GFPT1: variants seen among roughly 807,000 people sequenced by gnomAD.
GFPT1 encodes the protein glutamine--fructose-6-phosphate aminotransferase [isomerizing] 1.
GFPT1 carries 40 observed loss-of-function variants against 92.0 expected under a neutral mutation model. That is an observed-to-expected ratio of 0.43 (90% CI 0.34 to 0.57). The LOEUF (loss-of-function observed/expected upper bound fraction) is 0.57. GFPT1 is among the 20% of genes least tolerant of loss of function. GFPT1 has a pLI of 0.02. For synonymous variants in GFPT1, 269 were observed against 280.6 expected, an observed-to-expected ratio of 0.96 and a Z score of 0.41; for missense variants, 448 against 869.1, an observed-to-expected ratio of 0.52 and a Z score of 6.09.
At chr2:69,359,357 A>G in intron 4 of GFPT1, 31 bp from the exon 5 acceptor site, 1 of 1,278,796 alleles carries the variant, frequency 7.8e-7, no homozygotes, top group Non-Finnish European at 1.1e-6. Flanking sequence ...GAAGACAAAA[A>G]AGTTAGAAGT....
At chr2:69,359,562 T>G (rs928710824) in intron 4 of GFPT1, among the ~76,000 whole-genome samples, 1 of 152,114 alleles carries the variant, frequency 6.6e-6, no homozygotes, top group African/African-American at 2.4e-5. Context: ...GTGGGTACAG[T>G]AGGGAAATAA....
chr2:69,357,693 G>A (rs1029756496), intron 6 of GFPT1, among the ~76,000 whole-genome samples: 1 of 152,330 alleles, frequency 6.6e-6, no homozygotes, highest in East Asian at 1.9e-4. Context: ...TATGAGTGGG[G>A]AAGGGAAATG....
intron 11 of GFPT1, among the ~76,000 whole-genome samples, chr2:69,346,288 G>C (rs1387056245): frequency 6.6e-6 from 1 of 152,036 alleles, no homozygotes; most frequent in African/African-American, 2.4e-5. Flanking sequence ...ACCCAGGCTG[G>C]AGTGGAGTGG....
chr2:69,337,059 A>G (rs907350281), intron 15 of GFPT1, among the ~76,000 whole-genome samples: 1 of 140,188 alleles, frequency 7.1e-6, no homozygotes, highest in Non-Finnish European at 1.5e-5. Flanking sequence ...CCAAATTTTA[A>G]ATTTTTTTTT....
At chr2:69,374,139 A>G in intron 1 of GFPT1, 26 bp from the exon 2 acceptor site, 1 of 1,119,276 alleles carries the variant, frequency 8.9e-7, no homozygotes, top group Non-Finnish European at 1.4e-6. Flanking sequence ...TATTTAATGA[A>G]AAATTCTGAT....
chr2:69,352,198 G>A (rs1558753741), intron 9 of GFPT1, among the ~76,000 whole-genome samples: 1 of 152,130 alleles, frequency 6.6e-6, no homozygotes, highest in South Asian at 2.1e-4. Flanking sequence ...GGGAGGTGGA[G>A]GTTGCAGTGA....
At chr2:69,372,690 G>A (rs539488266) in intron 2 of GFPT1, among the ~76,000 whole-genome samples, 4 of 152,342 alleles carry the variant, frequency 2.6e-5, no homozygotes, top group Admixed American at 2.6e-4. Flanking sequence ...AAGATGTGCT[G>A]TCAAGGAAGC....
At position 69,386,762 on chromosome 2, in the gene GFPT1, C is replaced by T. The variant is rs553983315; in HGVS notation, c.7+303G>A. Among the ~76,000 whole-genome samples, 15 of 152,356 alleles carry T rather than the reference C, an allele frequency of 9.8e-5. No individual in the cohort carries two copies. The South Asian group carries it at 2.3e-3, about 23-fold the overall frequency. On this transcript the variant is annotated intron_variant, in intron 1 of 19. Coordinates refer to ENST00000357308, the MANE Select transcript of GFPT1 (RefSeq NM_001244710.2). ...ACACCTCAATTCCCTCAGCTCTCTC[C>T]TCCTTTTTCAATAAAGGCGTTTCTC... is the stretch of plus-strand genomic sequence containing the variant.
At chr2:69,334,034 T>C (rs1307401330) in intron 15 of GFPT1, among the ~76,000 whole-genome samples, 1 of 152,102 alleles carries the variant, frequency 6.6e-6, no homozygotes, top group Non-Finnish European at 1.5e-5. Flanking sequence ...CAGTTACCTG[T>C]AATCCCAGCT....
intron 7 of GFPT1, 131 bp from the exon 8 acceptor site, chr2:69,354,699 C>T: frequency 2.9e-6 from 2 of 688,336 alleles, no homozygotes; most frequent in South Asian, 3.0e-5. Context: ...GATATAAGAA[C>T]TAGATAAAAA....
intron 9 of GFPT1, among the ~76,000 whole-genome samples, chr2:69,353,849 G>A (rs1671270546): frequency 6.6e-6 from 1 of 152,198 alleles, no homozygotes; most frequent in South Asian, 2.1e-4. Flanking sequence ...AATATGTCAT[G>A]TATAAAAAAT....
intron 10 of GFPT1, among the ~76,000 whole-genome samples, chr2:69,349,432 G>A (rs1451173045): frequency 6.6e-6 from 1 of 152,042 alleles, no homozygotes; most frequent in Non-Finnish European, 1.5e-5. Flanking sequence ...TTCCCACTGA[G>A]ATAATATATT....
chr2:69,325,032 A>C lies in GFPT1; in HGVS notation c.*1157T>G, dbSNP rs550053473. The C allele has an allele frequency of 5.3e-5, 8 of 152,312 alleles. No individual in the cohort carries two copies. The highest frequency in any genetic ancestry group is 1.7e-4 in the African/African-American group (7 of 41,584). 9.4% of individuals were successfully genotyped at this position (152,312 alleles called of 1,614,324 possible). On this transcript the variant is annotated 3_prime_UTR_variant, in exon 20 of 20. Transcript: ENST00000357308. ...AAAATACAGAAGAGGAAAAATACTTAGGATACAATACTAAATTTGGTGCCT... is the reference window on the plus strand; with the variant it reads ...AAAATACAGAAGAGGAAAAATACTTCGGATACAATACTAAATTTGGTGCCT...
intron 1 of GFPT1, among the ~76,000 whole-genome samples, chr2:69,385,207 T>C (rs1672103817): frequency 6.6e-6 from 1 of 152,186 alleles, no homozygotes; most frequent in South Asian, 2.1e-4. Context: ...GATTTCCATA[T>C]CTGATTTATT....
intron 11 of GFPT1, among the ~76,000 whole-genome samples, chr2:69,346,947 T>C (rs1671097497): frequency 6.6e-6 from 1 of 151,920 alleles, no homozygotes; most frequent in Non-Finnish European, 1.5e-5. Flanking sequence ...TCTCACTCTG[T>C]CGCCCAGGCT....
chr2:69,370,360 T>C (rs1671716439), intron 2 of GFPT1, among the ~76,000 whole-genome samples: 2 of 152,088 alleles, frequency 1.3e-5, no homozygotes, highest in Non-Finnish European at 2.9e-5. Context: ...GAAAAAATAA[T>C]TCAGCGTGAT....
chr2:69,366,230 G>C (rs1178218228), intron 3 of GFPT1, among the ~76,000 whole-genome samples: 1 of 152,188 alleles, frequency 6.6e-6, no homozygotes, highest in East Asian at 1.9e-4. Flanking sequence ...TCAAATTCAT[G>C]ATAATTACCA....
chr2:69,375,276 C>T (rs777300278), intron 1 of GFPT1, among the ~76,000 whole-genome samples: 11 of 152,154 alleles, frequency 7.2e-5, no homozygotes, highest in African/African-American at 9.7e-5. Flanking sequence ...TTCTTAACTA[C>T]ATTTCACTGT....
At chr2:69,333,855 T>C (rs1670729804) in intron 15 of GFPT1, among the ~76,000 whole-genome samples, 1 of 152,170 alleles carries the variant, frequency 6.6e-6, no homozygotes, top group East Asian at 1.9e-4. Flanking sequence ...GCCCAGGGAT[T>C]AGGATCAATA....
Sources: allele counts gnomAD v4.1 joint callset (sites outside exome capture counted in the v4.1 genomes callset), GRCh38; gene constraint gnomAD v4.1.1; transcripts MANE v1.5; gene names NCBI Gene and HGNC (gene_info 2026-07-23, HGNC 2026-07-21).